CACNA1C: variants seen among roughly 807,000 people sequenced by gnomAD.
The protein encoded by CACNA1C is calcium voltage-gated channel subunit alpha1 C, also known as voltage-dependent L-type calcium channel subunit alpha-1C.
In CACNA1C, 30 loss-of-function variants were observed where a neutral mutation model predicts 229.0. The ratio of observed to expected loss-of-function variants is 0.13; its 90% CI spans 0.10 to 0.18. CACNA1C has a LOEUF of 0.18. Ranked by LOEUF, CACNA1C falls within the 10% of genes least tolerant of loss-of-function variation. The probability of loss-of-function intolerance (pLI) is 1.00; values close to 1 mark genes in which losing one functional copy is unlikely to be tolerated. For missense variants in CACNA1C, 1,658 were observed against 2,845.0 expected, an observed-to-expected ratio of 0.58 and a Z score of 9.49; for synonymous variants, 1,114 against 1,132.5, an observed-to-expected ratio of 0.98 and a Z score of 0.33.
chr12:2,013,568 C>T (rs2044794865), intron 1 of CACNA1C, among the ~76,000 whole-genome samples: 1 of 152,086 alleles, frequency 6.6e-6, no homozygotes, highest in African/African-American at 2.4e-5. Flanking sequence ...GATCTTGGGA[C>T]CAGGAGCATG....
intron 5 of CACNA1C, among the ~76,000 whole-genome samples, chr12:2,459,810 C>G (rs2099487136): frequency 1.3e-5 from 2 of 152,158 alleles, no homozygotes; most frequent in Non-Finnish European, 2.9e-5. Context: ...GCCAGCCAAC[C>G]AAGCGAAATG....
chr12:2,196,714 T>C (rs2097415524), intron 3 of CACNA1C, among the ~76,000 whole-genome samples: 1 of 152,346 alleles, frequency 6.6e-6, no homozygotes, highest in Non-Finnish European at 1.5e-5. Context: ...AAAAGACGGT[T>C]GCTTTATGCA....
At chr12:2,515,981 A>G (rs2099795918) in intron 9 of CACNA1C, among the ~76,000 whole-genome samples, 1 of 152,116 alleles carries the variant, frequency 6.6e-6, no homozygotes, top group African/African-American at 2.4e-5. Flanking sequence ...GGGAGTCAAA[A>G]GTCCCTGCCC....
rs531020857 is a variant in CACNA1C, at chr12:2,444,101, C to A, written c.478-4875C>A. 5.3e-5 allele frequency among the ~76,000 whole-genome samples: 8 copies of A among 152,282 alleles called. No individual in the cohort carries two copies. In the East Asian group the frequency reaches 1.4e-3, roughly 26 times the overall value. ...GGCCCTTCCAGTTCTATCTCAGACC[C>A]TTAAACAATCAGGCATGAGGATTGT... On this transcript the variant is annotated intron_variant, in intron 3 of 46. Transcript: ENST00000399655.
chr12:2,596,041 G>T, intron 20 of CACNA1C, 38 bp downstream of exon 20: 1 of 1,575,432 alleles, frequency 6.3e-7, no homozygotes. Context: ...CCTTCCCCCT[G>T]GGGCTGTGCC....
chr12:1,974,420 T>C (rs896846270), intron 1 of CACNA1C, among the ~76,000 whole-genome samples: 3 of 152,182 alleles, frequency 2.0e-5, no homozygotes, highest in Middle Eastern at 3.2e-3. Flanking sequence ...CATTAGGATA[T>C]GAGCTCCCGA....
intron 3 of CACNA1C, among the ~76,000 whole-genome samples, chr12:2,141,527 G>A (rs1310008743): frequency 6.6e-6 from 1 of 151,392 alleles, no homozygotes; most frequent in African/African-American, 2.4e-5. Flanking sequence ...TGTACACTGT[G>A]GGCTTGGCCA....
chr12:2,415,329 C>G (rs1317320317), intron 3 of CACNA1C, among the ~76,000 whole-genome samples: 1 of 152,182 alleles, frequency 6.6e-6, no homozygotes, highest in Non-Finnish European at 1.5e-5. Context: ...CCACGCTTTT[C>G]TACCTACGTT....
In CACNA1C at chr12:2,112,704, C is replaced by A. The variant is rs892888213; in HGVS notation, c.50-2520C>A. ...TCTCCAAGAGGACCTGAGGGGTCTT[C>A]TTGGGATCATGCAGGGGTGGTAGCT... On this transcript the variant is annotated intron_variant, in intron 1 of 46. Transcript: ENST00000399655. Among the ~76,000 whole-genome samples, 4 of 152,238 alleles carry A rather than the reference C, an allele frequency of 2.6e-5. No individual in the cohort carries two copies. In the South Asian group the frequency reaches 6.2e-4, roughly 24 times the overall value.
Position 2,597,235 on chromosome 12 carries a change from G to GT in CACNA1C, c.2803dup (p.Tyr935LeufsTer3). Reference sequence around the variant, plus strand: ...TGTTCCTTTTTGTTTTGCAGATTCTGTTTTATTTTGATATTGTTTTTACCA... The same window carrying GT: ...TGTTCCTTTTTGTTTTGCAGATTCTGTTTTTATTTTGATATTGTTTTTACCA... On this transcript the variant is annotated frameshift_variant, in exon 21 of 47. Transcript: ENST00000399655. LOFTEE classifies it high-confidence loss of function. The surrounding 1 kb of genome is among the most constrained non-coding windows in gnomAD (Gnocchi z 4.3). 6.2e-7 allele frequency: 1 copy of GT among 1,607,418 alleles called. No homozygotes were observed. Among genetic ancestry groups the GT allele is most frequent in the South Asian group, 1.1e-5 (1 of 90,934 alleles).
At chr12:2,582,768 G>A (rs1211838564) in intron 14 of CACNA1C, 54 bp from the exon 15 acceptor site, 2 of 1,596,414 alleles carry the variant, frequency 1.3e-6, no homozygotes, top group African/African-American at 2.7e-5. Context: ...GGTGGTTTTG[G>A]GTTTGCTGTT....
chr12:2,126,006 C>T (rs758886387), intron 3 of CACNA1C, among the ~76,000 whole-genome samples: 3 of 152,274 alleles, frequency 2.0e-5, no homozygotes, highest in Non-Finnish European at 4.4e-5. Flanking sequence ...CAGATTCCCT[C>T]GCAAACGCAT....
At position 2,436,709 on chromosome 12, in the gene CACNA1C, C is replaced by T. The variant is rs374164261; in HGVS notation, c.478-12267C>T. ...GATAAGGGGTGGAAGCACTGGGCAC[C>T]GTTGCAGAGACATCAGATGAGCCCA... On this transcript the variant is annotated intron_variant, in intron 3 of 46. Coordinates refer to ENST00000399655, the MANE Select transcript of CACNA1C (RefSeq NM_000719.7). Among the ~76,000 whole-genome samples, 15 of 152,302 alleles carry T rather than the reference C, an allele frequency of 9.8e-5. No individual in the cohort carries two copies. In the South Asian group the frequency reaches 2.5e-3, roughly 25 times the overall value.
intron 9 of CACNA1C, among the ~76,000 whole-genome samples, chr12:2,533,630 G>A (rs2099846168): frequency 6.6e-6 from 1 of 152,198 alleles, no homozygotes; most frequent in African/African-American, 2.4e-5. Context: ...GAGCTTCGGT[G>A]GAGAGGAAAG....
At chr12:2,161,812 A>G (rs1238120858) in intron 3 of CACNA1C, among the ~76,000 whole-genome samples, 2 of 152,208 alleles carry the variant, frequency 1.3e-5, no homozygotes, top group Non-Finnish European at 2.9e-5. Context: ...AAGCCCGTTT[A>G]TATACCTTGC....
At chr12:2,122,580 G>A (rs1187525559) in intron 3 of CACNA1C, among the ~76,000 whole-genome samples, 1 of 152,162 alleles carries the variant, frequency 6.6e-6, no homozygotes, top group Non-Finnish European at 1.5e-5. Context: ...CAGCATCTTT[G>A]CAGATGCCCC....
rs115897720 is a variant in CACNA1C at position 2,575,082 on chromosome 12, C to T, written c.1896-6508C>T. On this transcript the variant is annotated intron_variant, in intron 13 of 46. Coordinates refer to ENST00000399655, the MANE Select transcript of CACNA1C (RefSeq NM_000719.7). The surrounding 1 kb of genome is among the most constrained non-coding windows in gnomAD (Gnocchi z 4.0). ...CATCCCCAGGTCCAGGCCAGACCAC[C>T]TTGCCCGCTTGACCAGGTTACACTC... Among the ~76,000 whole-genome samples the T allele has an allele frequency of 0.012, 1,779 of 152,318 alleles. 42 individuals are homozygous for T. The highest frequency in any genetic ancestry group is 0.041 in the African/African-American group (1,709 of 41,568).
At position 2,677,553 on chromosome 12, in the gene CACNA1C, G is replaced by T. The variant is rs1228419603; in HGVS notation, c.4957-180G>T. 1 of 703,368 alleles carries T rather than the reference G, an allele frequency of 1.4e-6. No homozygotes were observed. Among genetic ancestry groups the T allele is most frequent in the Non-Finnish European group, 2.4e-6 (1 of 419,576 alleles). 43.6% of individuals were successfully genotyped at this position (703,368 alleles called of 1,614,324 possible). ...TCCCTCCTGGATGGGCGAGTGGATT[G>T]TTCCATCAGAGGGCAGCCCAGCCCC... On this transcript the variant is annotated intron_variant, in intron 40 of 46. Coordinates refer to ENST00000399655, the MANE Select transcript of CACNA1C (RefSeq NM_000719.7). The surrounding 1 kb of genome is among the most constrained non-coding windows in gnomAD (Gnocchi z 7.4).
chr12:2,097,943 T>A (rs1376217579), intron 1 of CACNA1C, among the ~76,000 whole-genome samples: 1 of 152,142 alleles, frequency 6.6e-6, no homozygotes, highest in Non-Finnish European at 1.5e-5. Context: ...TCTGGACCAA[T>A]GAGTTCTAGA....
Sources: gnomAD v4.1 joint callset for allele counts (sites outside exome capture counted in the v4.1 genomes callset) on GRCh38, gnomAD v4.1.1 for gene constraint, Gnocchi (gnomAD v3.1) non-coding constraint, MANE v1.5 for transcripts, NCBI Gene and HGNC (gene_info 2026-07-23, HGNC 2026-07-21) for gene names.